Variants in CHMP2B observed in about 807,000 individuals in gnomAD.
CHMP2B encodes charged multivesicular body protein 2B.
In CHMP2B, 22 loss-of-function variants were observed where a neutral mutation model predicts 29.8. That is an observed-to-expected ratio of 0.74 (90% CI 0.53 to 1.05). The LOEUF is 1.05. Ranked by LOEUF, CHMP2B falls within the 50% of genes least tolerant of loss-of-function variation. CHMP2B has a pLI of 0.00. For synonymous variants in CHMP2B, 78 were observed against 75.8 expected, an observed-to-expected ratio of 1.03 and a Z score of -0.15; for missense variants, 261 against 252.2, an observed-to-expected ratio of 1.03 and a Z score of -0.24.
chr3:87,235,272 G>A (rs1378512706), intron 1 of CHMP2B, among the ~76,000 whole-genome samples: 3 of 152,082 alleles, frequency 2.0e-5, no homozygotes, highest in Non-Finnish European at 4.4e-5. Flanking sequence ...TATTCCTTCT[G>A]TATTATCTAG....
At chr3:87,246,254 C>T (rs1481697996) in intron 3 of CHMP2B, among the ~76,000 whole-genome samples, 1 of 152,046 alleles carries the variant, frequency 6.6e-6, no homozygotes, top group African/African-American at 2.4e-5. Context: ...TCTCCTGCCT[C>T]AGCCTCCTGA....
intron 4 of CHMP2B, among the ~76,000 whole-genome samples, chr3:87,250,221 C>T (rs1262328153): frequency 1.3e-5 from 2 of 151,908 alleles, no homozygotes; most frequent in Admixed American, 6.6e-5. Context: ...TTGTGAGGTA[C>T]ATAATTCATG....
intron 3 of CHMP2B, 85 bp downstream of exon 3, chr3:87,245,993 C>A: frequency 9.1e-7 from 1 of 1,099,082 alleles, no homozygotes; most frequent in Non-Finnish European, 1.4e-6. Flanking sequence ...TTAAAAGCAC[C>A]TCCTGGTGTA....
At chr3:87,246,749 GTCTT>G (rs1706220827) in intron 3 of CHMP2B, among the ~76,000 whole-genome samples, 1 of 152,142 alleles carries the variant, frequency 6.6e-6, no homozygotes. Context: ...AGGACTCTGA[GTCTT>G]TCAGTCATTT....
chr3:87,230,743 C>A (rs1705894008), intron 1 of CHMP2B, among the ~76,000 whole-genome samples: 1 of 152,186 alleles, frequency 6.6e-6, no homozygotes, highest in Non-Finnish European at 1.5e-5. Flanking sequence ...CTTTACTTAA[C>A]AGACTGCCTC....
chr3:87,242,548 A>G (rs1706137053), intron 2 of CHMP2B, among the ~76,000 whole-genome samples: 3 of 152,172 alleles, frequency 2.0e-5, no homozygotes, highest in Non-Finnish European at 4.4e-5. Context: ...CCTAACTCAT[A>G]GTCAGTAATA....
chr3:87,244,168 T>C (rs1048544694), intron 2 of CHMP2B, among the ~76,000 whole-genome samples: 1 of 151,526 alleles, frequency 6.6e-6, no homozygotes, highest in Non-Finnish European at 1.5e-5. Flanking sequence ...TGCCTCAGCC[T>C]CCCAAGTAGC....
chr3:87,244,560 G>A (rs1706179577), intron 2 of CHMP2B, among the ~76,000 whole-genome samples: 2 of 151,026 alleles, frequency 1.3e-5, no homozygotes, highest in African/African-American at 4.9e-5. Context: ...TATTTTCTCT[G>A]TGGTTTTTTC....
chr3:87,237,036 A>G (rs575084290), intron 1 of CHMP2B, among the ~76,000 whole-genome samples: 24 of 152,318 alleles, frequency 1.6e-4, no homozygotes, highest in African/African-American at 5.3e-4. Context: ...AATGTTTTTT[A>G]TATCAGTCCA....
At chr3:87,245,606 A>T (rs1316857998) in intron 2 of CHMP2B, 108 bp from the exon 3 acceptor site, 1 of 899,276 alleles carries the variant, frequency 1.1e-6, no homozygotes, top group African/African-American at 1.7e-5. Context: ...CCTCTTCATG[A>T]TCGGGGACAA....
intron 3 of CHMP2B, among the ~76,000 whole-genome samples, chr3:87,246,255 A>G (rs2106908998): frequency 6.6e-6 from 1 of 152,002 alleles, no homozygotes; most frequent in East Asian, 1.9e-4. Context: ...CTCCTGCCTC[A>G]GCCTCCTGAG....
chr3:87,238,163 G>A (rs1706048571), intron 1 of CHMP2B, among the ~76,000 whole-genome samples: 1 of 152,078 alleles, frequency 6.6e-6, no homozygotes, highest in South Asian at 2.1e-4. Flanking sequence ...TATAACTATA[G>A]AATAACTATA....
At chr3:87,245,498 G>T (rs1157296140) in intron 2 of CHMP2B, among the ~76,000 whole-genome samples, 1 of 151,038 alleles carries the variant, frequency 6.6e-6, no homozygotes. Context: ...TGTATTCATG[G>T]ATGGAGATAC....
chr3:87,254,078 G>T lies in CHMP2B; in HGVS notation c.*256G>T, dbSNP rs1706361340. The stretch of plus-strand genomic sequence containing the variant: ...TGTGTAAAAAGTTGACTTCTCTTTT[G>T]CATGGCACAGAGAAATTATATTCCT... On this transcript the variant is annotated 3_prime_UTR_variant, in exon 6 of 6. Transcript: ENST00000263780. 3 of 373,844 alleles carry T rather than the reference G, an allele frequency of 8.0e-6. No homozygotes were observed. In the South Asian group the frequency reaches 8.2e-5, roughly 10 times the overall value. The allele number at this position is 373,844 out of a possible 1,614,324, so 23.2% of individuals were successfully genotyped here.
At chr3:87,235,041 ATGTT>A (rs1294498114) in intron 1 of CHMP2B, among the ~76,000 whole-genome samples, 1 of 152,240 alleles carries the variant, frequency 6.6e-6, no homozygotes, top group Non-Finnish European at 1.5e-5. Context: ...TTCAATGTAT[ATGTT>A]TGTACTCCCA....
intron 3 of CHMP2B, among the ~76,000 whole-genome samples, chr3:87,247,155 A>G (rs956598205): frequency 1.3e-5 from 2 of 152,188 alleles, no homozygotes; most frequent in Non-Finnish European, 2.9e-5. Flanking sequence ...ATATTGAACC[A>G]TTGCTCCCAG....
chr3:87,227,638 A>G (rs1452791901), intron 1 of CHMP2B, 82 bp downstream of exon 1: 1 of 1,552,506 alleles, frequency 6.4e-7, no homozygotes, highest in Non-Finnish European at 8.9e-7. Flanking sequence ...GATTCTGCCT[A>G]CTGTCCCTGG....
At chr3:87,239,360 A>T (rs914896688) in intron 1 of CHMP2B, among the ~76,000 whole-genome samples, 3 of 151,932 alleles carry the variant, frequency 2.0e-5, no homozygotes, top group African/African-American at 7.3e-5. Flanking sequence ...GGTCATAAAG[A>T]TTTACTTCTA....
At position 87,250,514 on chromosome 3, in the gene CHMP2B, T is replaced by C. The variant is rs867887272; in HGVS notation, c.424+537T>C. Among the ~76,000 whole-genome samples the C allele has an allele frequency of 2.6e-5, 4 of 152,088 alleles. No individual in the cohort carries two copies. The South Asian group carries it at 6.2e-4, about 24-fold the overall frequency. ...GTTGTATGTTTATTTTCTGTTTTTT[T>C]CTCATAATCTTGATCTACAAAAGTG... is the stretch of plus-strand genomic sequence containing the variant. On this transcript the variant is annotated intron_variant, in intron 4 of 5. Transcript: ENST00000263780.
Sources: gnomAD v4.1 joint callset for allele counts (sites outside exome capture counted in the v4.1 genomes callset) on GRCh38, gnomAD v4.1.1 for gene constraint, MANE v1.5 for transcripts, NCBI Gene and HGNC (gene_info 2026-07-23, HGNC 2026-07-21) for gene names.